PCDHGB5: variants seen among roughly 807,000 people sequenced by gnomAD.
The protein encoded by PCDHGB5 is protocadherin gamma subfamily B, 5.
Under a neutral mutation model 62.9 loss-of-function variants are expected in PCDHGB5, and 48 were observed. The ratio of observed to expected loss-of-function variants is 0.76; its 90% CI spans 0.61 to 0.97. The LOEUF (loss-of-function observed/expected upper bound fraction) is 0.97. Among genes scored for constraint, PCDHGB5 ranks in the 50% least tolerant of loss-of-function variants. The pLI is 0.00. For missense variants in PCDHGB5, 1,118 were observed against 1,198.6 expected, an observed-to-expected ratio of 0.93 and a Z score of 0.99; for synonymous variants, 474 against 511.2, an observed-to-expected ratio of 0.93 and a Z score of 0.98.
At position 141,403,020 on chromosome 5, in the gene PCDHGB5, T is replaced by A. The variant is rs761279674; in HGVS notation, c.2397+2496T>A. ...CTGCTATGCTCGCTCCTGGGGATGCTATGGGAGGCCAGGGCCAGTCAGATT... is the reference window on the plus strand; with the variant it reads ...CTGCTATGCTCGCTCCTGGGGATGCAATGGGAGGCCAGGGCCAGTCAGATT... On this transcript the variant is annotated intron_variant, in intron 1 of 3. Transcript: ENST00000617380. The A allele has an allele frequency of 8.1e-6, 13 of 1,614,034 alleles. 1 individual carries two copies. The South Asian group carries it at 1.4e-4, about 18-fold the overall frequency.
At chr5:141,480,745 C>T (rs528415324) in intron 1 of PCDHGB5, among the ~76,000 whole-genome samples, 1 of 152,278 alleles carries the variant, frequency 6.6e-6, no homozygotes, top group Non-Finnish European at 1.5e-5. Flanking sequence ...ACATAGGCAT[C>T]ATTTTTTGAA....
At chr5:141,508,499 C>T (rs1425054102) in intron 3 of PCDHGB5, among the ~76,000 whole-genome samples, 7 of 152,212 alleles carry the variant, frequency 4.6e-5, no homozygotes, top group Non-Finnish European at 1.0e-4. Flanking sequence ...CATATCTTCT[C>T]TCCCTCCTGG....
intron 1 of PCDHGB5, among the ~76,000 whole-genome samples, chr5:141,494,512 C>T (rs2154591503): frequency 6.6e-6 from 1 of 152,276 alleles, no homozygotes; most frequent in Middle Eastern, 3.4e-3. Context: ...AATTTTGGCT[C>T]AGGAGTTCTG....
At position 141,398,657 on chromosome 5, in the gene PCDHGB5, G is replaced by A. The variant is rs776950213; in HGVS notation, c.530G>A (p.Ser177Asn). 3.1e-6 allele frequency: 5 copies of A among 1,614,018 alleles called. No individual in the cohort carries two copies. In the South Asian group the frequency reaches 5.5e-5, roughly 18 times the overall value. Residue 177 changes from serine to asparagine, a missense_variant, in exon 1 of 4, where the codon AGT (serine) becomes AAT (asparagine). Physicochemically the swap from Ser to Asn is conservative, Grantham distance 46. This residue lies in a region of PCDHGB5 where 1,034 missense variants were observed against 1,029.1 expected (regional missense o/e 1.00). Transcript: ENST00000617380. ...AAGTATAAACTCTCTCTTAACCCAA[G>A]TTTCTCATTAATAATTAAGGAGAAA... ...LQKYKLSLNPSFSLIIKEKQD... is the reference protein window; with the variant it reads ...LQKYKLSLNPNFSLIIKEKQD...
Position 141,485,959 on chromosome 5 carries a change from C to A in PCDHGB5, c.2398-8848C>A, listed in dbSNP as rs758835557. The A allele has an allele frequency of 6.2e-7, 1 of 1,614,160 alleles. No homozygotes were observed. The highest frequency in any genetic ancestry group is 1.3e-5 in the African/African-American group (1 of 75,054). Reference sequence around the variant, plus strand: ...GCGCACCAGCGGGCATGGTGCTCATCCAGCTCAATGCCTCAGACCCGGACC... The same window carrying A: ...GCGCACCAGCGGGCATGGTGCTCATACAGCTCAATGCCTCAGACCCGGACC... On this transcript the variant is annotated intron_variant, in intron 1 of 3. Coordinates refer to ENST00000617380, the MANE Select transcript of PCDHGB5 (RefSeq NM_018925.3). The surrounding 1 kb of genome is among the most constrained non-coding windows in gnomAD (Gnocchi z 5.7).
rs545421792 is a variant in PCDHGB5 at position 141,414,806 on chromosome 5, C to T, written c.2397+14282C>T. ...GTGACAGCCAGCGACAGCGGGGATC[C>T]TCCACTCAGCAGCAACGTGTCGTTG... On this transcript the variant is annotated intron_variant, in intron 1 of 3. Coordinates refer to ENST00000617380, the MANE Select transcript of PCDHGB5 (RefSeq NM_018925.3). 2.2e-5 allele frequency: 36 copies of T among 1,614,244 alleles called. No individual in the cohort carries two copies. The South Asian group carries it at 3.1e-4, about 14-fold the overall frequency.
At chr5:141,423,702 C>T in intron 1 of PCDHGB5, 4 of 1,340,970 alleles carry the variant, frequency 3.0e-6, no homozygotes, top group South Asian at 1.6e-5. Flanking sequence ...GGTGTCTTGG[C>T]ACAAGTCTTT....
intron 1 of PCDHGB5, chr5:141,417,772 C>G: frequency 6.9e-7 from 1 of 1,456,320 alleles, no homozygotes; most frequent in East Asian, 2.5e-5. Context: ...GGGACTCCTC[C>G]TGTCCTGGGC....
chr5:141,404,555 A>G (rs751841732), intron 1 of PCDHGB5: 1 of 1,613,802 alleles, frequency 6.2e-7, no homozygotes, highest in African/African-American at 1.3e-5. Flanking sequence ...GGTGACGGCA[A>G]GTGACAGTGG....
intron 1 of PCDHGB5, among the ~76,000 whole-genome samples, chr5:141,461,433 C>A (rs183800312): frequency 1.3e-5 from 2 of 151,970 alleles, no homozygotes; most frequent in Non-Finnish European, 1.5e-5. Context: ...CATTTGTATA[C>A]CTTCTTTTGA....
intron 1 of PCDHGB5, chr5:141,478,531 C>G (rs771145308): frequency 1.2e-6 from 2 of 1,608,190 alleles, no homozygotes; most frequent in East Asian, 2.2e-5. Context: ...GTGCAGAGAG[C>G]GCCCCTCCCG....
Position 141,432,038 on chromosome 5 carries a change from C to A in PCDHGB5, c.2397+31514C>A. On this transcript the variant is annotated intron_variant, in intron 1 of 3. Transcript: ENST00000617380. The surrounding 1 kb of genome is among the most constrained non-coding windows in gnomAD (Gnocchi z 6.0). ...CAACATCACAGTGACCGCCACTGAC[C>A]GGGGAACCCCGCCCCTATCCACGGA... 1 of 1,614,190 alleles carries A rather than the reference C, an allele frequency of 6.2e-7. No homozygotes were observed. The highest frequency in any genetic ancestry group is 1.1e-5 in the South Asian group (1 of 91,072).
At chr5:141,405,074 G>A (rs536930748) in intron 1 of PCDHGB5, 7 of 1,613,794 alleles carry the variant, frequency 4.3e-6, no homozygotes, top group Non-Finnish European at 5.1e-6. Context: ...CCTCACCTTC[G>A]TTATCACGCT....
At chr5:141,404,782 G>A in intron 1 of PCDHGB5, 1 of 1,613,964 alleles carries the variant, frequency 6.2e-7, no homozygotes. Context: ...GCCTATTCAA[G>A]GCCAGTGAGC....
At position 141,476,294 on chromosome 5, in the gene PCDHGB5, A is replaced by T. The variant is rs376905832; in HGVS notation, c.2398-18513A>T. On this transcript the variant is annotated intron_variant, in intron 1 of 3. Coordinates refer to ENST00000617380, the MANE Select transcript of PCDHGB5 (RefSeq NM_018925.3). The surrounding 1 kb of genome is among the most constrained non-coding windows in gnomAD (Gnocchi z 7.6). ...CGCGAACCTTGGTTTGGATCTCGGT[A>T]GCCTCTCAGCCCGCAGGTTCCGGGT... is the stretch of plus-strand genomic sequence containing the variant. 2 of 1,613,036 alleles carry T rather than the reference A, an allele frequency of 1.2e-6. No homozygotes were observed. The highest frequency in any genetic ancestry group is 1.7e-6 in the Non-Finnish European group (2 of 1,179,642).
chr5:141,427,658 C>A, intron 1 of PCDHGB5: 2 of 738,894 alleles, frequency 2.7e-6, no homozygotes, highest in Non-Finnish European at 4.8e-6. Context: ...ACGTGGTCCA[C>A]GTGGCCGAAA....
Position 141,489,276 on chromosome 5 carries a change from A to G in PCDHGB5, c.2398-5531A>G. 6.4e-7 allele frequency: 1 copy of G among 1,556,122 alleles called. No homozygotes were observed. Among genetic ancestry groups the G allele is most frequent in the Non-Finnish European group, 8.7e-7 (1 of 1,151,562 alleles). On this transcript the variant is annotated intron_variant, in intron 1 of 3. Coordinates refer to ENST00000617380, the MANE Select transcript of PCDHGB5 (RefSeq NM_018925.3). The surrounding 1 kb of genome is among the most constrained non-coding windows in gnomAD (Gnocchi z 4.5). ...AGACACTCCCACAGCTCGCTGGGAA[A>G]TGGCAAGTGCTGTGCATGTTGTCCT...
At chr5:141,458,509 CTTTG>C (rs1327998402) in intron 1 of PCDHGB5, among the ~76,000 whole-genome samples, 2 of 149,986 alleles carry the variant, frequency 1.3e-5, no homozygotes. Context: ...CTGTTTGACA[CTTTG>C]TTTTTTTTTT....
At chr5:141,418,940 C>G in intron 1 of PCDHGB5, 9 of 1,614,012 alleles carry the variant, frequency 5.6e-6, no homozygotes, top group Non-Finnish European at 6.8e-6. Context: ...GGAGGATTCC[C>G]CTCCAGGAGT....
Sources: gnomAD v4.1 joint callset for allele counts (sites outside exome capture counted in the v4.1 genomes callset) on GRCh38, gnomAD v4.1.1 for gene constraint, gnomAD v4.1.1 regional missense constraint, Gnocchi (gnomAD v3.1) non-coding constraint, MANE v1.5 for transcripts, NCBI Gene and HGNC (gene_info 2026-07-23, HGNC 2026-07-21) for gene names.